PDZD2: variants seen among roughly 807,000 people sequenced by gnomAD.
PDZD2 encodes PDZ domain-containing protein 2.
Under a neutral mutation model 220.7 loss-of-function variants are expected in PDZD2, and 90 were observed. That is an observed-to-expected ratio of 0.41 (90% confidence interval 0.34 to 0.49). The LOEUF (loss-of-function observed/expected upper bound fraction) is 0.49, where lower values mean the gene tolerates loss of function less well. Ranked by LOEUF, PDZD2 falls within the 20% of genes least tolerant of loss-of-function variation. The pLI is 0.28. For missense variants in PDZD2, 3,174 were observed against 3,608.5 expected (o/e 0.88, Z 3.08); for synonymous variants, 1,375 against 1,450.5 (o/e 0.95, Z 1.18).
At chr5:31,931,806 T>C (rs1275495579) in intron 2 of PDZD2, among the ~76,000 whole-genome samples, 1 of 151,928 alleles carries the variant, frequency 6.6e-6, no homozygotes, top group Non-Finnish European at 1.5e-5. Context: ...CCCCAGAGCA[T>C]GATGGTGTCA....
chr5:31,981,740 G>A (rs569538566), intron 2 of PDZD2, among the ~76,000 whole-genome samples: 1 of 152,304 alleles, frequency 6.6e-6, no homozygotes, highest in Non-Finnish European at 1.5e-5. Flanking sequence ...CAAGATTCCA[G>A]TGGAGAAGGC....
chr5:31,866,208 AG>A (rs1198996617), intron 2 of PDZD2, among the ~76,000 whole-genome samples: 2 of 151,406 alleles, frequency 1.3e-5, no homozygotes, highest in Admixed American at 1.3e-4. Context: ...CATGTTGTCC[AG>A]GCTTGTTTCG....
At chr5:32,050,663 A>G (rs1329606180) in intron 8 of PDZD2, among the ~76,000 whole-genome samples, 1 of 151,974 alleles carries the variant, frequency 6.6e-6, no homozygotes, top group African/African-American at 2.4e-5. Context: ...ACGAAAACAA[A>G]TTTTTTAATT....
At chr5:31,912,671 G>A (rs186768032) in intron 2 of PDZD2, among the ~76,000 whole-genome samples, 1 of 152,316 alleles carries the variant, frequency 6.6e-6, no homozygotes, top group East Asian at 1.9e-4. Context: ...TGGGACTAAC[G>A]TGAGGGTCCA....
intron 19 of PDZD2, among the ~76,000 whole-genome samples, chr5:32,084,284 GGCA>G (rs1742243370): frequency 6.6e-6 from 1 of 152,236 alleles, no homozygotes. Context: ...TCAGGGTTTA[GGCA>G]GTAGCATGGG....
At chr5:31,862,264 C>G (rs927623736) in intron 2 of PDZD2, among the ~76,000 whole-genome samples, 2 of 150,696 alleles carry the variant, frequency 1.3e-5, no homozygotes, top group South Asian at 4.3e-4. Flanking sequence ...TCCACCACAC[C>G]CGGCTAATTT....
intron 3 of PDZD2, among the ~76,000 whole-genome samples, chr5:31,991,715 G>A (rs144952570): frequency 2.8e-4 from 43 of 152,238 alleles, no homozygotes; most frequent in African/African-American, 1.0e-3. Context: ...GAACGTTGCT[G>A]TAGGCAAATA....
At chr5:31,948,498 G>A (rs1408036393) in intron 2 of PDZD2, among the ~76,000 whole-genome samples, 1 of 152,070 alleles carries the variant, frequency 6.6e-6, no homozygotes, top group Non-Finnish European at 1.5e-5. Flanking sequence ...TTCCTCCCCT[G>A]GAAATGATAG....
intron 2 of PDZD2, among the ~76,000 whole-genome samples, chr5:31,818,657 A>G (rs191304907): frequency 6.6e-6 from 1 of 152,160 alleles, no homozygotes; most frequent in African/African-American, 2.4e-5. Context: ...TCTCCTGTTT[A>G]TTCATTTTAG....
At chr5:31,923,852 C>T (rs968431161) in intron 2 of PDZD2, among the ~76,000 whole-genome samples, 3 of 152,136 alleles carry the variant, frequency 2.0e-5, no homozygotes, top group Admixed American at 6.5e-5. Context: ...TTGACCACTT[C>T]GGCACACTGG....
At chr5:31,768,371 A>G (rs930649274) in intron 1 of PDZD2, among the ~76,000 whole-genome samples, 2 of 152,034 alleles carry the variant, frequency 1.3e-5, no homozygotes, top group African/African-American at 2.4e-5. Flanking sequence ...GGCCAGGCTC[A>G]GTGGCTCATG....
intron 5 of PDZD2, among the ~76,000 whole-genome samples, chr5:32,002,682 AACACACACC>A (rs1383612511): frequency 2.1e-5 from 2 of 97,286 alleles, no homozygotes; most frequent in Non-Finnish European, 4.1e-5. Context: ...CACACACACC[AACACACACC>A]ACACACACCA....
chr5:31,752,029 C>G (rs1267722225), intron 1 of PDZD2, among the ~76,000 whole-genome samples: 3 of 111,616 alleles, frequency 2.7e-5, no homozygotes, highest in Non-Finnish European at 6.1e-5. Flanking sequence ...ATTTCTCTCT[C>G]TCTCTTTGTA....
intron 2 of PDZD2, among the ~76,000 whole-genome samples, chr5:31,964,389 G>A (rs1162937692): frequency 6.6e-6 from 1 of 152,240 alleles, no homozygotes; most frequent in African/African-American, 2.4e-5. Context: ...GCTGAGACCT[G>A]AACAAAGGAT....
intron 2 of PDZD2, among the ~76,000 whole-genome samples, chr5:31,929,728 T>G (rs115299528): frequency 0.021 from 2,873 of 137,860 alleles, 94 homozygotes; most frequent in African/African-American, 0.076. Context: ...GCTGGACATG[T>G]GTAATCCCAG....
intron 1 of PDZD2, among the ~76,000 whole-genome samples, chr5:31,692,326 G>T (rs1027170885): frequency 6.6e-6 from 1 of 152,226 alleles, no homozygotes; most frequent in African/African-American, 2.4e-5. Flanking sequence ...GCGCGGCCCC[G>T]GTTCCCGCCC....
chr5:31,689,354 T>TATATA lies in PDZD2; in HGVS notation c.-361+49917_-361+49918insATATA, dbSNP rs1554063278. On this transcript the variant is annotated intron_variant, in intron 1 of 24. Coordinates refer to ENST00000438447, the MANE Select transcript of PDZD2 (RefSeq NM_178140.4). ...ACATATACATATATATATATATATA[T>TATATA]TTTTTTTTTTTTTTTTTTTAAGTCG... Among the ~76,000 whole-genome samples, 40 of 27,216 alleles carry TATATA rather than the reference T, an allele frequency of 1.5e-3. 1 individual carries two copies. The highest frequency in any genetic ancestry group is 9.2e-3 in the African/African-American group (35 of 3,806). 17.9% of individuals were successfully genotyped at this position (27,216 alleles called of 152,430 possible). A position where few individuals can be genotyped will look rare whatever the true frequency, so the allele number is the denominator to read the frequency against.
In PDZD2 at chr5:32,110,654, C is replaced by G; in HGVS notation, c.*2519C>G. ...AGTAAACCGTAGTTGCAAGAATATACCATGAAGATTAAAGTAGGCTGGGTT... is the reference window on the plus strand; with the variant it reads ...AGTAAACCGTAGTTGCAAGAATATAGCATGAAGATTAAAGTAGGCTGGGTT... On this transcript the variant is annotated 3_prime_UTR_variant, in exon 25 of 25. Coordinates refer to ENST00000438447, the MANE Select transcript of PDZD2 (RefSeq NM_178140.4). 6.6e-6 allele frequency: 1 copy of G among 152,622 alleles called. No individual in the cohort carries two copies. The allele number at this position is 152,622 out of a possible 1,614,324, so 9.5% of individuals were successfully genotyped here. A position where few individuals can be genotyped will look rare whatever the true frequency, so the allele number is the denominator to read the frequency against.
intron 2 of PDZD2, among the ~76,000 whole-genome samples, chr5:31,857,685 G>A (rs919550824): frequency 1.3e-5 from 2 of 152,168 alleles, no homozygotes; most frequent in African/African-American, 4.8e-5. Flanking sequence ...CTGTTGTCAT[G>A]AAGTTTCATT....
Sources: allele counts gnomAD v4.1 joint callset (sites outside exome capture counted in the v4.1 genomes callset), GRCh38; gene constraint gnomAD v4.1.1; transcripts MANE v1.5; gene names NCBI Gene and HGNC (gene_info 2026-07-23, HGNC 2026-07-21).